The following VWA8 variants were observed in gnomAD, a reference collection of about 807,000 sequenced individuals.
The protein encoded by VWA8 is von Willebrand factor A domain containing 8.
In VWA8, 221 loss-of-function variants were observed where a neutral mutation model predicts 241.5. The observed-to-expected ratio is 0.91, with a 90% confidence interval of 0.82 to 1.02. The LOEUF (loss-of-function observed/expected upper bound fraction) is 1.02. VWA8 is among the 50% of genes least tolerant of loss of function. VWA8 has a pLI of 0.00. For missense variants in VWA8, 2,322 were observed against 2,328.7 expected (o/e 1.00, Z 0.06); for synonymous variants, 852 against 827.1 (o/e 1.03, Z -0.52).
Position 41,615,221 on chromosome 13 carries a change from G to T in VWA8, c.4612-137C>A, listed in dbSNP as rs2044613606. On this transcript the variant is annotated intron_variant, in intron 37 of 44. Transcript: ENST00000379310. ...GGCCACTGGACTTGATAAATGCTGT[G>T]AGTATTTGGCAAAAATTCCATCAGA... 5.6e-5 allele frequency: 44 copies of T among 784,772 alleles called. No homozygotes were observed. The South Asian group carries it at 9.0e-4, about 16-fold the overall frequency. The allele number at this position is 784,772 out of a possible 1,614,324, so 48.6% of individuals were successfully genotyped here.
chr13:41,814,100 A>C (rs1010270448), intron 16 of VWA8, among the ~76,000 whole-genome samples: 1 of 152,194 alleles, frequency 6.6e-6, no homozygotes, highest in Admixed American at 6.6e-5. Flanking sequence ...AAGGAGAGAA[A>C]ACTCTAGGGA....
Position 41,627,374 on chromosome 13 carries a change from T to C in VWA8, c.4612-12290A>G, listed in dbSNP as rs147453502. ...TTTGTGTGTTTTGTCCAATTCTTTGTTCAAGACACCAATAACTTGGACACC... is the reference window on the plus strand; with the variant it reads ...TTTGTGTGTTTTGTCCAATTCTTTGCTCAAGACACCAATAACTTGGACACC... On this transcript the variant is annotated intron_variant, in intron 37 of 44. Transcript: ENST00000379310. Among the ~76,000 whole-genome samples, 1,023 of 152,280 alleles carry C rather than the reference T, an allele frequency of 6.7e-3. 7 individuals are homozygous for C. Among genetic ancestry groups the C allele is most frequent in the Middle Eastern group, 0.027 (8 of 294 alleles).
chr13:41,821,532 A>G (rs1226450605), intron 14 of VWA8, among the ~76,000 whole-genome samples: 2 of 152,178 alleles, frequency 1.3e-5, no homozygotes, highest in Admixed American at 6.5e-5. Flanking sequence ...GGTGGGTAAT[A>G]CAAAGACCAA....
chr13:41,606,984 T>C lies in VWA8; in HGVS notation c.4878-1708A>G, dbSNP rs9532901. On this transcript the variant is annotated intron_variant, in intron 39 of 44. Transcript: ENST00000379310. Reference sequence around the variant, plus strand: ...TAGATAGGCCTGTTGCCCTCTGTTATGGTGTTTTCAAATTTTTCTTTCCAT... The same window carrying C: ...TAGATAGGCCTGTTGCCCTCTGTTACGGTGTTTTCAAATTTTTCTTTCCAT... 8.6e-3 allele frequency among the ~76,000 whole-genome samples: 1,303 copies of C among 152,332 alleles called. 9 individuals carry two copies. Among genetic ancestry groups the C allele is most frequent in the Middle Eastern group, 0.038 (11 of 292 alleles).
At chr13:41,893,095 A>G (rs992038167) in intron 4 of VWA8, among the ~76,000 whole-genome samples, 1 of 152,184 alleles carries the variant, frequency 6.6e-6, no homozygotes, top group Non-Finnish European at 1.5e-5. Context: ...GTAATTGTCC[A>G]AAAAAAGGAT....
intron 12 of VWA8, among the ~76,000 whole-genome samples, chr13:41,849,015 TCCTGGAGG>T (rs1318842720): frequency 6.6e-6 from 1 of 152,204 alleles, no homozygotes; most frequent in Non-Finnish European, 1.5e-5. Context: ...AACTCCACAT[TCCTGGAGG>T]CATGAGTTGA....
intron 4 of VWA8, among the ~76,000 whole-genome samples, chr13:41,901,231 C>T (rs151119831): frequency 6.6e-6 from 1 of 151,898 alleles, no homozygotes; most frequent in East Asian, 1.9e-4. Context: ...ACCCACCTGG[C>T]CTCCTCAAGG....
intron 21 of VWA8, among the ~76,000 whole-genome samples, chr13:41,732,835 G>A (rs759560612): frequency 2.0e-5 from 3 of 152,168 alleles, no homozygotes; most frequent in African/African-American, 4.8e-5. Flanking sequence ...TACATGATGA[G>A]ATGTAACATT....
chr13:41,745,223 T>A (rs550920220), intron 21 of VWA8, among the ~76,000 whole-genome samples: 4 of 152,268 alleles, frequency 2.6e-5, no homozygotes, highest in Middle Eastern at 3.4e-3. Context: ...ATGTGCCATG[T>A]TGGTGTGCTG....
At chr13:41,859,160 A>G (rs910539816) in intron 12 of VWA8, among the ~76,000 whole-genome samples, 1 of 152,118 alleles carries the variant, frequency 6.6e-6, no homozygotes, top group African/African-American at 2.4e-5. Flanking sequence ...CACTTAAATG[A>G]ATACAAATGT....
chr13:41,778,131 C>A, intron 19 of VWA8, 75 bp from the exon 20 acceptor site: 3 of 1,031,992 alleles, frequency 2.9e-6, no homozygotes, highest in South Asian at 1.8e-5. Flanking sequence ...ATAAAGATAT[C>A]TTTATAGAAT....
intron 18 of VWA8, among the ~76,000 whole-genome samples, chr13:41,784,139 G>T (rs1869029931): frequency 6.7e-6 from 1 of 149,898 alleles, no homozygotes; most frequent in East Asian, 1.9e-4. Context: ...ATAATTGTGA[G>T]AAACTAAAAA....
At chr13:41,731,759 T>G (rs545686809) in intron 22 of VWA8, among the ~76,000 whole-genome samples, 3 of 152,210 alleles carry the variant, frequency 2.0e-5, no homozygotes, top group African/African-American at 7.2e-5. Context: ...CATACTGTTC[T>G]TGTGGTAATG....
intron 10 of VWA8, 48 bp downstream of exon 10, chr13:41,868,298 A>C (rs1198897962): frequency 1.2e-6 from 2 of 1,604,680 alleles, no homozygotes; most frequent in Admixed American, 1.7e-5. Flanking sequence ...TCATAAAAAC[A>C]GGCAGAATAA....
chr13:41,710,064 A>T (rs561364265), intron 26 of VWA8, among the ~76,000 whole-genome samples: 119 of 152,290 alleles, frequency 7.8e-4, no homozygotes, highest in Non-Finnish European at 1.6e-4. Flanking sequence ...ACCACTAAGT[A>T]AGCGTCTGGT....
intron 21 of VWA8, among the ~76,000 whole-genome samples, chr13:41,735,026 T>G (rs2045514284): frequency 6.6e-6 from 1 of 152,232 alleles, no homozygotes; most frequent in Non-Finnish European, 1.5e-5. Flanking sequence ...AACAAATTAA[T>G]TGTTAAAGTT....
intron 42 of VWA8, among the ~76,000 whole-genome samples, chr13:41,582,004 A>C (rs2044385983): frequency 6.6e-6 from 1 of 152,250 alleles, no homozygotes; most frequent in Admixed American, 6.5e-5. Flanking sequence ...AATTTGAAGC[A>C]CTACATGAAC....
chr13:41,573,572 G>GTA (rs1255957766), intron 43 of VWA8, among the ~76,000 whole-genome samples: 1 of 126,878 alleles, frequency 7.9e-6, no homozygotes, highest in Non-Finnish European at 1.6e-5. Flanking sequence ...GTATATATAT[G>GTA]TATATATATA....
At chr13:41,919,109 G>A (rs1876392705) in intron 2 of VWA8, among the ~76,000 whole-genome samples, 1 of 152,112 alleles carries the variant, frequency 6.6e-6, no homozygotes, top group Non-Finnish European at 1.5e-5. Context: ...ATAAAGGAGA[G>A]CCCTGGAGAA....
Sources: allele counts gnomAD v4.1 joint callset (sites outside exome capture counted in the v4.1 genomes callset), GRCh38; gene constraint gnomAD v4.1.1; transcripts MANE v1.5; gene names NCBI Gene and HGNC (gene_info 2026-07-23, HGNC 2026-07-21).